Variants in LRIG3 observed in about 807,000 individuals in gnomAD.
LRIG3 encodes leucine rich repeats and immunoglobulin like domains 3.
In LRIG3, 76 loss-of-function variants were observed where a neutral mutation model predicts 114.5. The ratio of observed to expected loss-of-function variants is 0.66; its 90% CI spans 0.55 to 0.80. LRIG3 has a LOEUF of 0.80. Ranked by LOEUF, LRIG3 falls within the 30% of genes least tolerant of loss-of-function variation. LRIG3 has a pLI of 0.00. For missense variants in LRIG3, 1,239 were observed against 1,382.8 expected (o/e 0.90, Z 1.65); for synonymous variants, 512 against 519.8 (o/e 0.98, Z 0.20).
rs988017973 is a variant in LRIG3 at position 58,919,624 on chromosome 12, A to C, written c.236+376T>G. ...AGACTCATAACTCAGCGAGAACTGC[A>C]AACTCCTGATGTGTGCAGGTTGCCG... On this transcript the variant is annotated intron_variant, in intron 1 of 18. Transcript: ENST00000320743. 3 of 1,488,164 alleles carry C rather than the reference A, an allele frequency of 2.0e-6. No individual in the cohort carries two copies. In the African/African-American group the frequency reaches 4.2e-5, roughly 21 times the overall value. The allele number at this position is 1,488,164 out of a possible 1,614,324, so 92.2% of individuals were successfully genotyped here.
chr12:58,907,571 T>C (rs1238940710), intron 3 of LRIG3, among the ~76,000 whole-genome samples: 2 of 152,212 alleles, frequency 1.3e-5, no homozygotes, highest in Non-Finnish European at 2.9e-5. Flanking sequence ...CAGCAGCTGC[T>C]GGCGCTCACA....
Position 58,914,074 on chromosome 12 carries a change from A to T in LRIG3, c.309-18T>A. On this transcript the variant is annotated intron_variant, in intron 2 of 18. Coordinates refer to ENST00000320743, the MANE Select transcript of LRIG3 (RefSeq NM_153377.5). ...TCAGTTTCCTACAAATGCCAAAAAA[A>T]AAAAGAAAAAGAAAAGCTGATTAGG... The T allele has an allele frequency of 6.3e-7, 1 of 1,590,492 alleles. No homozygotes were observed. The highest frequency in any genetic ancestry group is 8.5e-7 in the Non-Finnish European group (1 of 1,173,366).
rs1367522322 is a variant in LRIG3 at position 58,879,032 on chromosome 12, A to T, written c.1875T>A (p.Ala625=). The change falls in exon 14 of 19, where the codon GCT becomes GCA. Residue 625 remains alanine, a synonymous_variant. Coordinates refer to ENST00000320743, the MANE Select transcript of LRIG3 (RefSeq NM_153377.5). The stretch of plus-strand genomic sequence containing the variant: ...TCTGGGGGGCTGGGTGCCCCACAGC[A>T]GCACACTCCAAGCGTGCCATGGCCC... ...RAGAMARLEC[A]AVGHPAPQIA... 5 of 1,614,040 alleles carry T rather than the reference A, an allele frequency of 3.1e-6. No individual in the cohort carries two copies. The African/African-American group carries it at 5.3e-5, about 17-fold the overall frequency.
intron 1 of LRIG3, chr12:58,919,334 A>G: frequency 6.6e-7 from 1 of 1,525,750 alleles, no homozygotes; most frequent in Non-Finnish European, 8.9e-7. Context: ...GAGGAGCTAC[A>G]GAAATCACGC....
Position 58,914,035 on chromosome 12 carries a change from C to T in LRIG3, c.330G>A (p.Leu110=), listed in dbSNP as rs144291598. Residue 110 remains leucine, a synonymous_variant, in exon 3 of 19, where the codon TTG becomes TTA. Transcript: ENST00000320743. ...CTGGTCCCAGATTTGGAATGGTCTC[C>T]AATTCATTGTTGTTCAGTTTCCTAC... ...LREVKLNNNE[L]ETIPNLGPVS... The T allele has an allele frequency of 4.2e-5, 68 of 1,607,620 alleles. No homozygotes were observed. Among genetic ancestry groups the T allele is most frequent in the Non-Finnish European group, 4.6e-5 (54 of 1,178,202 alleles).
At position 58,872,882 on chromosome 12, in the gene LRIG3, T is replaced by G. The variant is rs762501618; in HGVS notation, c.3116-66A>C. 13 of 1,550,056 alleles carry G rather than the reference T, an allele frequency of 8.4e-6. No homozygotes were observed. The East Asian group carries it at 1.1e-4, about 13-fold the overall frequency. ...TAGCATGTGAATCAATAAAACCCATTGCAAATGAAGGAACATCTTACCCCA... is the reference window on the plus strand; with the variant it reads ...TAGCATGTGAATCAATAAAACCCATGGCAAATGAAGGAACATCTTACCCCA... On this transcript the variant is annotated intron_variant, in intron 18 of 18. Transcript: ENST00000320743.
chr12:58,873,819 A>C, intron 18 of LRIG3: 1 of 565,434 alleles, frequency 1.8e-6, no homozygotes, highest in Non-Finnish European at 3.1e-6. Flanking sequence ...GATGCCACAC[A>C]CAGTGCTACC....
In LRIG3 at chr12:58,890,683, G is replaced by C; in HGVS notation, c.497C>G (p.Ala166Gly). 1 of 1,596,898 alleles carries C rather than the reference G, an allele frequency of 6.3e-7. No homozygotes were observed. The highest frequency in any genetic ancestry group is 1.2e-5 in the South Asian group (1 of 86,424). The change falls in exon 4 of 19, where the codon GCC becomes GGC. Residue 166 changes from alanine to glycine, a missense_variant. Ala to Gly is a moderately conservative substitution (Grantham distance 60). Coordinates refer to ENST00000320743, the MANE Select transcript of LRIG3 (RefSeq NM_153377.5). ...CACTTACAGATATTTGAGCTGTAGGGCTGGAAATGCAGTTTGGAGCTCTGA... is the reference window on the plus strand; with the variant it reads ...CACTTACAGATATTTGAGCTGTAGGCCTGGAAATGCAGTTTGGAGCTCTGA... ...NISELQTAFPALQLKYLYLNS... is the reference protein window; with the variant it reads ...NISELQTAFPGLQLKYLYLNS...
intron 3 of LRIG3, 137 bp from the exon 4 acceptor site, chr12:58,890,933 G>T: frequency 3.2e-6 from 2 of 621,482 alleles, no homozygotes; most frequent in Admixed American, 4.0e-5. Context: ...AAGTTAAAGA[G>T]CAATACCATG....
intron 15 of LRIG3, 66 bp downstream of exon 15, chr12:58,877,334 G>C (rs2120873747): frequency 2.0e-6 from 3 of 1,483,094 alleles, no homozygotes; most frequent in Non-Finnish European, 2.8e-6. Context: ...ACACGTTCTA[G>C]AAGTATTTGC....
rs1565625465 is a variant in LRIG3, at chr12:58,915,848, CCAGA to C, written c.237-1516_237-1513del. ...ACAAAACCTGTGTGCTTTTAGCACCCCAGACAGTCACAGATTTCCCACATGGTTT... is the reference window on the plus strand; with the variant it reads ...ACAAAACCTGTGTGCTTTTAGCACCCCAGTCACAGATTTCCCACATGGTTT... On this transcript the variant is annotated intron_variant, in intron 1 of 18. Coordinates refer to ENST00000320743, the MANE Select transcript of LRIG3 (RefSeq NM_153377.5). Among the ~76,000 whole-genome samples the C allele has an allele frequency of 2.6e-5, 4 of 152,072 alleles. No individual in the cohort carries two copies. The East Asian group carries it at 5.8e-4, about 22-fold the overall frequency.
intron 3 of LRIG3, among the ~76,000 whole-genome samples, chr12:58,903,506 T>G (rs889546197): frequency 4.7e-4 from 71 of 152,286 alleles, no homozygotes; most frequent in African/African-American, 1.5e-3. Context: ...TTTCTCCCAT[T>G]TTGCAGGTTG....
chr12:58,901,774 C>T (rs1447823300), intron 3 of LRIG3, among the ~76,000 whole-genome samples: 1 of 152,178 alleles, frequency 6.6e-6, no homozygotes, highest in Non-Finnish European at 1.5e-5. Flanking sequence ...GTAGAAGCTG[C>T]TGAAGGGTAG....
chr12:58,918,142 AGACT>A (rs1256147210), intron 1 of LRIG3, among the ~76,000 whole-genome samples: 1 of 152,246 alleles, frequency 6.6e-6, no homozygotes, highest in East Asian at 1.9e-4. Context: ...TCCTGACAAC[AGACT>A]GAGTGCTTAT....
intron 3 of LRIG3, among the ~76,000 whole-genome samples, chr12:58,902,398 T>C (rs1233263577): frequency 6.6e-6 from 1 of 152,176 alleles, no homozygotes; most frequent in Non-Finnish European, 1.5e-5. Context: ...CTACCCTGTA[T>C]GGTACCTGCA....
intron 3 of LRIG3, among the ~76,000 whole-genome samples, chr12:58,892,769 T>A (rs1421618567): frequency 1.3e-5 from 2 of 152,226 alleles, no homozygotes; most frequent in Non-Finnish European, 2.9e-5. Flanking sequence ...TTACAAAACA[T>A]CTTAAAATTA....
Position 58,876,516 on chromosome 12 carries a change from T to C in LRIG3, c.2624A>G (p.Glu875Gly). ...ADRQDGYVSS[E>G]SGSHHQFVTS... ...GACAAACTGGTGGTGGCTTCCACTT[T>C]CTGAAGACACGTACCCATCCTGCCT... The change falls in exon 16 of 19, where the codon GAA (glutamate) becomes GGA (glycine). Residue 875 changes from glutamate to glycine, a missense_variant. Glu to Gly is a moderately conservative substitution (Grantham distance 98, BLOSUM62 -2). Transcript: ENST00000320743. 1 of 1,614,164 alleles carries C rather than the reference T, an allele frequency of 6.2e-7. No individual in the cohort carries two copies. The highest frequency in any genetic ancestry group is 1.1e-5 in the South Asian group (1 of 91,080).
At chr12:58,894,845 A>C (rs960618742) in intron 3 of LRIG3, among the ~76,000 whole-genome samples, 2 of 152,220 alleles carry the variant, frequency 1.3e-5, no homozygotes, top group African/African-American at 4.8e-5. Context: ...CTTAGAGACT[A>C]GGAATATTTT....
At chr12:58,905,327 A>G (rs1385857259) in intron 3 of LRIG3, among the ~76,000 whole-genome samples, 1 of 152,252 alleles carries the variant, frequency 6.6e-6, no homozygotes, top group African/African-American at 2.4e-5. Flanking sequence ...ATAAACTTAC[A>G]GTGTTTGTCA....
Sources: allele counts gnomAD v4.1 joint callset (sites outside exome capture counted in the v4.1 genomes callset), GRCh38; gene constraint gnomAD v4.1.1; transcripts MANE v1.5; gene names NCBI Gene and HGNC (gene_info 2026-07-23, HGNC 2026-07-21).